The following DOCK7 variants were observed in gnomAD, a reference collection of about 807,000 sequenced individuals.
DOCK7 encodes the protein dedicator of cytokinesis 7.
A neutral mutation model predicts 271.0 loss-of-function variants in DOCK7; 138 were observed. That is an observed-to-expected ratio of 0.51 (90% CI 0.44 to 0.59). The LOEUF is 0.59. Among genes scored for constraint, DOCK7 ranks in the 20% least tolerant of loss-of-function variants. DOCK7 has a pLI of 0.00. For synonymous variants in DOCK7, 823 were observed against 876.1 expected (o/e 0.94, Z 1.07); for missense variants, 2,066 against 2,592.4 (o/e 0.80, Z 4.41).
chr1:62,497,398 A>G (rs1416003299), intron 37 of DOCK7, among the ~76,000 whole-genome samples: 2 of 152,172 alleles, frequency 1.3e-5, no homozygotes, highest in Non-Finnish European at 2.9e-5. Context: ...TTTACTAGAT[A>G]GCACCATCTG....
At chr1:62,476,555 C>T (rs1458597468) in intron 44 of DOCK7, among the ~76,000 whole-genome samples, 1 of 152,044 alleles carries the variant, frequency 6.6e-6, no homozygotes, top group African/African-American at 2.4e-5. Flanking sequence ...TCTTAGAGAC[C>T]ATGGGTTAAT....
Position 62,494,374 on chromosome 1 carries a change from T to C in DOCK7, c.5118A>G (p.Glu1706=). ...GKHSERSNHA[E]AAQCLVHSAA... ...CTGAGTGGACTAGACACTGTGCAGCTTCAGCATGATTGCTTCGTTCTGAGT... is the reference window on the plus strand; with the variant it reads ...CTGAGTGGACTAGACACTGTGCAGCCTCAGCATGATTGCTTCGTTCTGAGT... The change falls in exon 40 of 50, where the codon GAA becomes GAG. Residue 1706 remains glutamate (E), a synonymous_variant. Coordinates refer to ENST00000635253, the MANE Select transcript of DOCK7 (RefSeq NM_001367561.1). 1 of 1,613,686 alleles carries C rather than the reference T, an allele frequency of 6.2e-7. No individual in the cohort carries two copies. Among genetic ancestry groups the C allele is most frequent in the Non-Finnish European group, 8.5e-7 (1 of 1,179,668 alleles).
At chr1:62,574,798 G>A (rs978825683) in intron 18 of DOCK7, among the ~76,000 whole-genome samples, 2 of 151,856 alleles carry the variant, frequency 1.3e-5, no homozygotes, top group Non-Finnish European at 2.9e-5. Context: ...GCACAATCTC[G>A]GCTTACTGTC....
chr1:62,637,302 G>C (rs1655397913), intron 7 of DOCK7, among the ~76,000 whole-genome samples: 1 of 152,002 alleles, frequency 6.6e-6, no homozygotes, highest in Non-Finnish European at 1.5e-5. Flanking sequence ...TCATTTCTAA[G>C]AACAATGACT....
At chr1:62,551,351 CA>C (rs34548756) in intron 22 of DOCK7, among the ~76,000 whole-genome samples, 33 of 139,860 alleles carry the variant, frequency 2.4e-4, no homozygotes, top group East Asian at 6.2e-4. Context: ...GATGAACTTA[CA>C]AAAAAAAAAA....
intron 14 of DOCK7, among the ~76,000 whole-genome samples, chr1:62,600,554 A>G (rs1649960924): frequency 2.0e-5 from 3 of 151,862 alleles, no homozygotes; most frequent in Admixed American, 2.0e-4. Context: ...CTGCTAAACT[A>G]ACGATAAACT....
At chr1:62,580,907 C>A (rs1629122) in intron 16 of DOCK7, among the ~76,000 whole-genome samples, 88,091 of 152,010 alleles carry the variant, frequency 0.58, 27,315 homozygotes, top group East Asian at 0.76. Context: ...ATATGAAATT[C>A]AAATTTCAAT....
intron 1 of DOCK7, among the ~76,000 whole-genome samples, chr1:62,672,367 T>A (rs1660114354): frequency 6.6e-6 from 1 of 152,158 alleles, no homozygotes; most frequent in South Asian, 2.1e-4. Context: ...TGCAAAGTGT[T>A]ACTTTTGTTA....
intron 1 of DOCK7, among the ~76,000 whole-genome samples, chr1:62,682,750 G>A (rs981806141): frequency 6.6e-6 from 1 of 152,164 alleles, no homozygotes; most frequent in Non-Finnish European, 1.5e-5. Context: ...GGAATGTTTG[G>A]TTGGCAGCTG....
chr1:62,512,201 T>C (rs1644507699), intron 33 of DOCK7, among the ~76,000 whole-genome samples: 1 of 152,218 alleles, frequency 6.6e-6, no homozygotes, highest in Non-Finnish European at 1.5e-5. Context: ...TAAAAATCCA[T>C]TCACACTTAC....
At chr1:62,455,610 C>T (rs1645325243) in intron 49 of DOCK7, 154 bp from the exon 50 acceptor site, 2 of 670,492 alleles carry the variant, frequency 3.0e-6, no homozygotes, top group East Asian at 2.7e-5. Flanking sequence ...ACCTACTCTG[C>T]CTTATATTTT....
rs1431419841 is a variant in DOCK7, at chr1:62,495,699, A to G, written c.4924-18T>C. 2.6e-6 allele frequency: 4 copies of G among 1,548,210 alleles called. No individual in the cohort carries two copies. The highest frequency in any genetic ancestry group is 1.2e-5 in the South Asian group (1 of 82,914). On this transcript the variant is annotated intron_variant, in intron 38 of 49. Transcript: ENST00000635253. ...TCCTGGACCTGCAGCAGAGAATTAT[A>G]TGAAAAACATTCTTGAATTGTCATT...
intron 1 of DOCK7, among the ~76,000 whole-genome samples, chr1:62,676,739 T>C (rs1436259405): frequency 2.6e-5 from 4 of 152,200 alleles, no homozygotes; most frequent in African/African-American, 7.2e-5. Context: ...AAATGGTTGA[T>C]ATGAATGAAG....
chr1:62,496,852 T>C (rs1454991592), intron 37 of DOCK7, among the ~76,000 whole-genome samples: 1 of 152,168 alleles, frequency 6.6e-6, no homozygotes, highest in East Asian at 1.9e-4. Context: ...AAATGGTAGA[T>C]GGAGTATTTA....
chr1:62,682,050 A>G (rs1473394942), intron 1 of DOCK7, among the ~76,000 whole-genome samples: 1 of 152,142 alleles, frequency 6.6e-6, no homozygotes, highest in Non-Finnish European at 1.5e-5. Context: ...TCTAAAAGAA[A>G]AAAAAAAAAC....
intron 7 of DOCK7, chr1:62,641,698 G>A (rs950910949): frequency 5.6e-6 from 2 of 356,590 alleles, no homozygotes; most frequent in Non-Finnish European, 1.1e-5. Context: ...TCAGCCTCAT[G>A]CACCAGGGCC....
intron 34 of DOCK7, 84 bp from the exon 35 acceptor site, chr1:62,508,142 A>C (rs999101019): frequency 1.2e-5 from 15 of 1,248,946 alleles, no homozygotes; most frequent in African/African-American, 3.1e-5. Flanking sequence ...TAGAAATAAA[A>C]AATTTCAAAC....
chr1:62,505,653 G>A (rs749086321), intron 36 of DOCK7, 29 bp downstream of exon 36: 8 of 1,583,050 alleles, frequency 5.1e-6, no homozygotes, highest in South Asian at 1.2e-5. Flanking sequence ...AACAAAGTCT[G>A]ACAACACTGC....
intron 15 of DOCK7, chr1:62,584,327 C>T (rs926512022): frequency 1.3e-4 from 123 of 983,986 alleles, no homozygotes; most frequent in African/African-American, 1.4e-4. Context: ...TGTTCCTGTG[C>T]CAGAATTATG....
Sources: gnomAD v4.1 joint callset for allele counts (sites outside exome capture counted in the v4.1 genomes callset) on GRCh38, gnomAD v4.1.1 for gene constraint, MANE v1.5 for transcripts, NCBI Gene and HGNC (gene_info 2026-07-23, HGNC 2026-07-21) for gene names.